OXTR: variants seen among roughly 807,000 people sequenced by gnomAD.
OXTR encodes the protein oxytocin receptor.
A neutral mutation model predicts 23.9 loss-of-function variants in OXTR; 19 were observed. The observed-to-expected ratio is 0.80, with a 90% CI of 0.56 to 1.17. The LOEUF is 1.17. Ranked by LOEUF, OXTR falls within the 50% of genes most tolerant of loss-of-function variation. The probability of loss-of-function intolerance (pLI) is 0.00; values close to 1 mark genes in which losing one functional copy is unlikely to be tolerated. For synonymous variants in OXTR, 278 were observed against 250.5 expected (o/e 1.11, Z -1.04); for missense variants, 500 against 550.7 (o/e 0.91, Z 0.92).
At chr3:8,748,098 C>T (rs1708199305), downstream of OXTR, among the ~76,000 whole-genome samples, 1 of 145,994 alleles carries the variant, frequency 6.8e-6, no homozygotes, top group African/African-American at 2.7e-5. Flanking sequence ...GTTCCATTCC[C>T]TCTCATAAGA....
downstream of OXTR, chr3:8,745,843 G>A: frequency 6.2e-7 from 1 of 1,613,048 alleles, no homozygotes; most frequent in Non-Finnish European, 8.5e-7. The surrounding 1 kb of genome is among the most constrained non-coding windows in gnomAD (Gnocchi z 4.8). Context: ...GCAGCATCAA[G>A]GTGGTGCTGC....
chr3:8,763,504 A>G (rs756280064), intron 3 of OXTR, among the ~76,000 whole-genome samples: 2 of 151,558 alleles, frequency 1.3e-5, no homozygotes, highest in Non-Finnish European at 2.9e-5. Flanking sequence ...ACTCTACCAA[A>G]CTCCCTCCTC....
chr3:8,762,434 C>T (rs1340093427), intron 3 of OXTR, among the ~76,000 whole-genome samples: 1 of 152,222 alleles, frequency 6.6e-6, no homozygotes, highest in Non-Finnish European at 1.5e-5. Flanking sequence ...CATAAAAGAA[C>T]ACACAATTAC....
intron 3 of OXTR, among the ~76,000 whole-genome samples, chr3:8,756,467 G>T (rs1326755268): frequency 2.0e-5 from 3 of 152,194 alleles, no homozygotes; most frequent in African/African-American, 4.8e-5. Context: ...CACAGGTCAG[G>T]TTGGTTCCAA....
chr3:8,750,058 T>C (rs1708226531), downstream of OXTR, among the ~76,000 whole-genome samples: 2 of 152,180 alleles, frequency 1.3e-5, no homozygotes, highest in Non-Finnish European at 2.9e-5. Context: ...CTAAAGGTAT[T>C]TCTTAGACGT....
Position 8,752,803 on chromosome 3 carries a change from CT to C in OXTR, c.*173del. 1 of 653,610 alleles carries C rather than the reference CT, an allele frequency of 1.5e-6. No homozygotes were observed. Among genetic ancestry groups the C allele is most frequent in the Non-Finnish European group, 2.6e-6 (1 of 388,394 alleles). 40.5% of individuals were successfully genotyped at this position (653,610 alleles called of 1,614,324 possible). A position where few individuals can be genotyped will look rare whatever the true frequency, so the allele number is the denominator to read the frequency against. ...GGGTGTTGTCTGATGGCTGAGTCCCCTATCATCTTCCATCATGGAGGCCACT... is the reference window on the plus strand; with the variant it reads ...GGGTGTTGTCTGATGGCTGAGTCCCCATCATCTTCCATCATGGAGGCCACT... On this transcript the variant is annotated 3_prime_UTR_variant, in exon 4 of 4. Transcript: ENST00000316793.
chr3:8,760,746 C>T (rs568172137), intron 3 of OXTR, among the ~76,000 whole-genome samples: 5 of 152,266 alleles, frequency 3.3e-5, no homozygotes, highest in South Asian at 2.1e-4. Flanking sequence ...CTGGGGTGGG[C>T]GTTCCCATGG....
chr3:8,746,288 C>G (rs1335211057), downstream of OXTR: 1 of 172,346 alleles, frequency 5.8e-6, no homozygotes, highest in Non-Finnish European at 1.3e-5. Flanking sequence ...TTGGGGAATG[C>G]TGCATTTTGT....
intron 3 of OXTR, among the ~76,000 whole-genome samples, chr3:8,760,955 T>C (rs146049302): frequency 1.3e-5 from 2 of 152,260 alleles, no homozygotes; most frequent in East Asian, 3.9e-4. Context: ...AGGGATGACT[T>C]TGCCCCTTAG....
At chr3:8,758,316 C>T (rs1199358626) in intron 3 of OXTR, among the ~76,000 whole-genome samples, 2 of 152,172 alleles carry the variant, frequency 1.3e-5, no homozygotes, top group Non-Finnish European at 2.9e-5. Context: ...TGGCCACCGC[C>T]TCTCCGGGCT....
At chr3:8,753,331 C>T (rs1306069689) in intron 3 of OXTR, 107 bp from the exon 4 acceptor site, 1 of 1,274,916 alleles carries the variant, frequency 7.8e-7, no homozygotes, top group Non-Finnish European at 1.1e-6. Context: ...CAGCCTTGTC[C>T]AAGTACTACA....
At chr3:8,762,816 C>T (rs1452349974) in intron 3 of OXTR, among the ~76,000 whole-genome samples, 3 of 152,222 alleles carry the variant, frequency 2.0e-5, no homozygotes, top group Admixed American at 6.5e-5. Flanking sequence ...TTTGGTTGCC[C>T]CAGTGATGGG....
intron 3 of OXTR, among the ~76,000 whole-genome samples, chr3:8,756,519 T>G (rs535002898): frequency 6.6e-6 from 1 of 152,272 alleles, no homozygotes; most frequent in East Asian, 1.9e-4. Context: ...CAGAAGCTGG[T>G]TAGGCAGTTT....
chr3:8,763,800 T>C (rs1708542727), intron 3 of OXTR, among the ~76,000 whole-genome samples: 1 of 152,196 alleles, frequency 6.6e-6, no homozygotes, highest in African/African-American at 2.4e-5. Flanking sequence ...ATATTTAAAC[T>C]TAAAGTTTTC....
At chr3:8,755,758 C>T (rs945771342) in intron 3 of OXTR, among the ~76,000 whole-genome samples, 3 of 152,194 alleles carry the variant, frequency 2.0e-5, no homozygotes, top group Admixed American at 6.5e-5. Flanking sequence ...TGTCAATATC[C>T]TAGTCACCCA....
intron 3 of OXTR, among the ~76,000 whole-genome samples, chr3:8,765,095 C>A (rs376955605): frequency 6.6e-6 from 1 of 152,260 alleles, no homozygotes. Context: ...ATGACCTCCA[C>A]TCTGGCCAGG....
chr3:8,753,318 C>T (rs764949223), intron 3 of OXTR, 94 bp from the exon 4 acceptor site: 76 of 1,416,396 alleles, frequency 5.4e-5, no homozygotes, highest in East Asian at 7.4e-5. Context: ...ATTTCCTGAG[C>T]GACAGCCTTG....
At position 8,767,538 on chromosome 3, in the gene OXTR, G is replaced by C; in HGVS notation, c.650C>G (p.Ala217Gly). The part of the protein sequence containing the change: ...AVYIVPVIVL[A>G]ACYGLISFKI... ...GAAGCTGATAAGGCCGTAGCAGGCA[G>C]CGAGCACGATGACCGGCACGATGTA... Residue 217 changes from alanine to glycine, a missense_variant, in exon 3 of 4, where the codon GCT becomes GGT. By Grantham distance (60) the Ala-to-Gly change is moderately conservative (BLOSUM62 0). Transcript: ENST00000316793. 6.2e-7 allele frequency: 1 copy of C among 1,613,238 alleles called. No individual in the cohort carries two copies. Among genetic ancestry groups the C allele is most frequent in the Non-Finnish European group, 8.5e-7 (1 of 1,179,698 alleles).
In OXTR at chr3:8,767,756, C is replaced by T. The variant is rs1375800421; in HGVS notation, c.432G>A (p.Pro144=). The change falls in exon 3 of 4, where the codon CCG becomes CCA. Residue 144 remains proline (P), a synonymous_variant. Transcript: ENST00000316793. ...SLDRCLAICQ[P]LRSLRRRTDR... is the part of the protein sequence containing the mutation. ...CGGTGCGGCGGCGCAGCGAGCGCAG[C>T]GGCTGGCAGATGGCCAGGCAGCGGT... 5 of 1,606,250 alleles carry T rather than the reference C, an allele frequency of 3.1e-6. No individual in the cohort carries two copies. The highest frequency in any genetic ancestry group is 4.2e-6 in the Non-Finnish European group (5 of 1,176,570).
Sources: allele counts gnomAD v4.1 joint callset (sites outside exome capture counted in the v4.1 genomes callset), GRCh38; gene constraint gnomAD v4.1.1; non-coding constraint Gnocchi (gnomAD v3.1); transcripts MANE v1.5; gene names NCBI Gene and HGNC (gene_info 2026-07-23, HGNC 2026-07-21).